Variants in DYNC1I1 observed in about 807,000 individuals in gnomAD.
The protein encoded by DYNC1I1 is cytoplasmic dynein 1 intermediate chain 1.
Under a neutral mutation model 86.6 loss-of-function variants are expected in DYNC1I1, and 43 were observed. The ratio of observed to expected loss-of-function variants is 0.50; its 90% CI spans 0.39 to 0.64. The LOEUF is 0.64. Among genes scored for constraint, DYNC1I1 ranks in the 30% least tolerant of loss-of-function variants. The pLI is 0.00. For synonymous variants in DYNC1I1, 262 were observed against 283.7 expected (o/e 0.92, Z 0.77); for missense variants, 604 against 788.8 (o/e 0.77, Z 2.81).
intron 5 of DYNC1I1, among the ~76,000 whole-genome samples, chr7:95,832,416 C>T (rs1788934882): frequency 6.6e-6 from 1 of 151,782 alleles, no homozygotes; most frequent in Non-Finnish European, 1.5e-5. Context: ...GTGAATAGTG[C>T]CGCAATAAAC....
intron 5 of DYNC1I1, among the ~76,000 whole-genome samples, chr7:95,832,971 T>G (rs1478756025): frequency 7.3e-5 from 11 of 151,592 alleles, no homozygotes; most frequent in Admixed American, 2.0e-4. Flanking sequence ...CTCTTTAGTT[T>G]AATTAGATCC....
intron 9 of DYNC1I1, among the ~76,000 whole-genome samples, chr7:95,988,642 G>A (rs1793656019): frequency 2.0e-5 from 3 of 152,192 alleles, no homozygotes; most frequent in Non-Finnish European, 2.9e-5. Context: ...GTTCCTTCCT[G>A]CAATAACACT....
intron 6 of DYNC1I1, among the ~76,000 whole-genome samples, chr7:95,910,288 C>A (rs949254854): frequency 6.6e-6 from 1 of 152,198 alleles, no homozygotes; most frequent in Non-Finnish European, 1.5e-5. Context: ...ATTATTACAT[C>A]ACACCTGAAA....
chr7:96,040,337 C>T (rs2116042999), intron 14 of DYNC1I1, among the ~76,000 whole-genome samples: 1 of 152,156 alleles, frequency 6.6e-6, no homozygotes, highest in Admixed American at 6.5e-5. Context: ...AAGGAAGGCA[C>T]AATAATCTAG....
At chr7:95,869,614 G>C (rs1790107872) in intron 5 of DYNC1I1, among the ~76,000 whole-genome samples, 1 of 152,066 alleles carries the variant, frequency 6.6e-6, no homozygotes, top group Non-Finnish European at 1.5e-5. Context: ...GAATGGAAGA[G>C]GTCTCTTGTA....
At chr7:95,975,569 T>C (rs965368778) in intron 6 of DYNC1I1, among the ~76,000 whole-genome samples, 7 of 152,166 alleles carry the variant, frequency 4.6e-5, no homozygotes, top group Non-Finnish European at 1.0e-4. Context: ...ATAACCTCAT[T>C]TGAACTAATT....
intron 10 of DYNC1I1, among the ~76,000 whole-genome samples, chr7:96,023,570 G>T (rs1372580759): frequency 6.6e-6 from 1 of 152,208 alleles, no homozygotes; most frequent in Non-Finnish European, 1.5e-5. Context: ...TGAATTGAAT[G>T]TAGTGATGGT....
chr7:95,953,323 G>C (rs1006881074), intron 6 of DYNC1I1, among the ~76,000 whole-genome samples: 20 of 151,668 alleles, frequency 1.3e-4, no homozygotes, highest in African/African-American at 4.8e-4. Flanking sequence ...AATGGGTGCT[G>C]TAAAAACTGA....
At chr7:96,068,713 A>G (rs1178856883) in intron 14 of DYNC1I1, among the ~76,000 whole-genome samples, 1 of 152,216 alleles carries the variant, frequency 6.6e-6, no homozygotes, top group Admixed American at 6.5e-5. Context: ...AGAAATAAAT[A>G]TGAAGGGGGA....
chr7:96,032,833 A>G (rs1794845338), intron 12 of DYNC1I1, 53 bp downstream of exon 12: 4 of 1,441,662 alleles, frequency 2.8e-6, no homozygotes, highest in South Asian at 1.2e-5. Context: ...AGAGATACCT[A>G]CTTAATGGAA....
At chr7:95,870,617 A>G (rs1790138053) in intron 6 of DYNC1I1, among the ~76,000 whole-genome samples, 1 of 152,242 alleles carries the variant, frequency 6.6e-6, no homozygotes, top group Admixed American at 6.5e-5. Context: ...TCTGACCACA[A>G]TTTAAAAGTA....
chr7:96,039,340 C>A lies in DYNC1I1; in HGVS notation c.1428C>A (p.His476Gln). Residue 476 changes from histidine to glutamine, a missense_variant, in exon 14 of 17, where the codon CAC becomes CAA. His to Gln is a conservative substitution (Grantham distance 24). Coordinates refer to ENST00000447467, the MANE Select transcript of DYNC1I1 (RefSeq NM_001135556.2). ...HQGPVTGINC[H>Q]MAVGPIDFSH... is the part of the protein sequence containing the mutation. ...GGCCAGTGACAGGAATTAACTGCCACATGGCAGTGGGCCCAATCGACTTTT... is the reference window on the plus strand; with the variant it reads ...GGCCAGTGACAGGAATTAACTGCCAAATGGCAGTGGGCCCAATCGACTTTT... The A allele has an allele frequency of 1.2e-6, 2 of 1,614,136 alleles. No homozygotes were observed. Among genetic ancestry groups the A allele is most frequent in the Non-Finnish European group, 1.7e-6 (2 of 1,179,964 alleles).
intron 6 of DYNC1I1, among the ~76,000 whole-genome samples, chr7:95,923,559 C>T (rs979514784): frequency 4.6e-5 from 7 of 152,036 alleles, no homozygotes; most frequent in African/African-American, 1.4e-4. Flanking sequence ...ACTATCCACA[C>T]GCAAAATATT....
At chr7:96,007,512 G>T (rs1794169659) in intron 10 of DYNC1I1, among the ~76,000 whole-genome samples, 1 of 152,206 alleles carries the variant, frequency 6.6e-6, no homozygotes, top group Non-Finnish European at 1.5e-5. Flanking sequence ...CCCTTGGTGA[G>T]TTGTATGTGT....
chr7:95,878,790 G>C (rs375615971), intron 6 of DYNC1I1, among the ~76,000 whole-genome samples: 1 of 152,116 alleles, frequency 6.6e-6, no homozygotes, highest in South Asian at 2.1e-4. Context: ...TAGTACAAAT[G>C]CTGAAACCCA....
intron 5 of DYNC1I1, among the ~76,000 whole-genome samples, chr7:95,861,241 G>T (rs1404547052): frequency 6.6e-6 from 1 of 152,106 alleles, no homozygotes; most frequent in African/African-American, 2.4e-5. Flanking sequence ...CACTGTGATT[G>T]CTATTCAGAG....
chr7:95,789,771 A>G (rs1794244644), intron 1 of DYNC1I1, among the ~76,000 whole-genome samples: 1 of 152,252 alleles, frequency 6.6e-6, no homozygotes, highest in Non-Finnish European at 1.5e-5. Context: ...GGATAAAGGT[A>G]GAGATAAATT....
chr7:96,071,099 TAAG>T (rs1435467368), intron 14 of DYNC1I1, among the ~76,000 whole-genome samples: 4 of 152,210 alleles, frequency 2.6e-5, no homozygotes, highest in Non-Finnish European at 4.4e-5. Flanking sequence ...ATTGATCAAA[TAAG>T]AAGTTTATTA....
intron 6 of DYNC1I1, among the ~76,000 whole-genome samples, chr7:95,900,340 G>A (rs1396134714): frequency 1.3e-5 from 2 of 152,146 alleles, no homozygotes; most frequent in Non-Finnish European, 2.9e-5. Flanking sequence ...TCCTTGGCTA[G>A]GGTAGAAGGC....
Sources: gnomAD v4.1 joint callset for allele counts (sites outside exome capture counted in the v4.1 genomes callset) on GRCh38, gnomAD v4.1.1 for gene constraint, MANE v1.5 for transcripts, NCBI Gene and HGNC (gene_info 2026-07-23, HGNC 2026-07-21) for gene names.